Variants in EP400 observed in about 807,000 individuals in gnomAD.
The protein encoded by EP400 is E1A-binding protein p400.
A neutral mutation model predicts 354.1 loss-of-function variants in EP400; 105 were observed. The ratio of observed to expected loss-of-function variants is 0.30; its 90% CI spans 0.25 to 0.35. The LOEUF is 0.35. Among genes scored for constraint, EP400 ranks in the 10% least tolerant of loss-of-function variants. The probability of loss-of-function intolerance (pLI) is 1.00; values close to 1 mark genes in which losing one functional copy is unlikely to be tolerated. For missense variants in EP400, 3,280 were observed against 4,121.0 expected, an observed-to-expected ratio of 0.80 and a Z score of 5.59; for synonymous variants, 1,646 against 1,716.9, an observed-to-expected ratio of 0.96 and a Z score of 1.02.
At chr12:131,981,159 A>G (rs771819579) in intron 3 of EP400, among the ~76,000 whole-genome samples, 3 of 152,120 alleles carry the variant, frequency 2.0e-5, no homozygotes, top group Non-Finnish European at 4.4e-5. Context: ...CCCGCTCTCC[A>G]TGCTCTCGTC....
chr12:132,004,119 G>C (rs1009232785), intron 12 of EP400, among the ~76,000 whole-genome samples: 2 of 152,240 alleles, frequency 1.3e-5, no homozygotes, highest in African/African-American at 2.4e-5. Flanking sequence ...TGATGAGGTT[G>C]AGGGCATTGG....
intron 13 of EP400, among the ~76,000 whole-genome samples, 166 bp downstream of exon 13, chr12:132,005,350 C>A (rs945892139): frequency 2.0e-5 from 3 of 152,082 alleles, no homozygotes; most frequent in Admixed American, 1.3e-4. Context: ...AAATTCCGTG[C>A]TTTTAATTTA....
intron 39 of EP400, among the ~76,000 whole-genome samples, chr12:132,047,639 G>A (rs1267651114): frequency 1.3e-5 from 2 of 152,166 alleles, no homozygotes; most frequent in African/African-American, 2.4e-5. Flanking sequence ...ATGGAGGCAG[G>A]GCGAGATCAC....
rs1005669596 is a variant in EP400, at chr12:132,021,163, G to C, written c.4532G>C (p.Ser1511Thr). 1 of 1,601,044 alleles carries C rather than the reference G, an allele frequency of 6.2e-7. No individual in the cohort carries two copies. Residue 1511 changes from serine to threonine, a missense_variant, in exon 23 of 53, where the codon AGC (serine) becomes ACC (threonine). Physicochemically the swap from Ser to Thr is moderately conservative, Grantham distance 58. This residue lies in a region of EP400 where 342 missense variants were observed against 342.7 expected (regional missense o/e 1.00). Transcript: ENST00000389561. ...QPASASSTAA[S>T]PAHPAKLRAQ... The stretch of plus-strand genomic sequence containing the variant: ...GCCTCGGCCTCCAGCACAGCCGCTA[G>C]CCCGGCCCATCCTGCGAAACTGCGG...
chr12:131,951,949 T>C (rs1891517486), intron 1 of EP400, among the ~76,000 whole-genome samples: 1 of 151,936 alleles, frequency 6.6e-6, no homozygotes, highest in African/African-American at 2.4e-5. Context: ...CCTACTTTTT[T>C]TTTTTTTTTA....
rs767154660 is a variant in EP400 at position 132,053,422 on chromosome 12, C to T, written c.7553C>T (p.Pro2518Leu). The T allele has an allele frequency of 3.5e-5, 53 of 1,528,358 alleles. No individual in the cohort carries two copies. Among genetic ancestry groups the T allele is most frequent in the East Asian group, 9.7e-5 (4 of 41,178 alleles). 94.7% of individuals were successfully genotyped at this position (1,528,358 alleles called of 1,614,324 possible). Reference sequence around the variant, plus strand: ...CCCCAGCCGCAGCCCCCACCACCCCCGCAGCAGCCACCGCCACCGCTGCCA... The same window carrying T: ...CCCCAGCCGCAGCCCCCACCACCCCTGCAGCAGCCACCGCCACCGCTGCCA... Reference protein sequence around the residue: ...PPPQPQPPPPPQQPPPPLPQP... With the variant: ...PPPQPQPPPPLQQPPPPLPQP... The change falls in exon 43 of 53, where the codon CCG becomes CTG. Residue 2518 changes from proline to leucine, a missense_variant. Around this residue, in one of 20 missense-constraint regions of EP400, gnomAD observed 255 missense variants for 295.9 expected, o/e 0.86. Coordinates refer to ENST00000389561, the MANE Select transcript of EP400 (RefSeq NM_015409.5).
chr12:132,023,937 G>T lies in EP400; in HGVS notation c.4851G>T (p.Leu1617=), dbSNP rs1247346064. 2 of 1,603,992 alleles carry T rather than the reference G, an allele frequency of 1.2e-6. No individual in the cohort carries two copies. The highest frequency in any genetic ancestry group is 1.7e-6 in the Non-Finnish European group (2 of 1,175,440). The part of the protein sequence containing the change: ...RQLTAGQPLQ[L]QGSVLQIVSA... ...TCACAGCGGGCCAGCCGCTGCAGCT[G>T]CAAGGTAAGGATAAGGATGAGAGAG... The change falls in exon 24 of 53, where the codon CTG becomes CTT. Residue 1617 remains leucine (L), a synonymous_variant. Transcript: ENST00000389561.
At chr12:132,031,137 C>G in intron 29 of EP400, 1 of 441,996 alleles carries the variant, frequency 2.3e-6, no homozygotes, top group Non-Finnish European at 4.5e-6. Context: ...GCACAGAAAT[C>G]GTTATGGAAG....
chr12:132,064,754 A>G lies in EP400; in HGVS notation c.8421A>G (p.Pro2807=). The stretch of plus-strand genomic sequence containing the variant: ...AGGCCCAGTCTGCGCCCCCGCAGCC[A>G]ACAGCCCAAGTGCAAGTGCAGACCT... ...PPQAQSAPPQ[P]TAQVQVQTSQ... Residue 2807 remains proline, a synonymous_variant, in exon 48 of 53, where the codon CCA becomes CCG. Coordinates refer to ENST00000389561, the MANE Select transcript of EP400 (RefSeq NM_015409.5). The G allele has an allele frequency of 6.2e-7, 1 of 1,613,648 alleles. No individual in the cohort carries two copies. Among genetic ancestry groups the G allele is most frequent in the South Asian group, 1.1e-5 (1 of 91,060 alleles).
At chr12:131,972,873 A>G (rs997935513) in intron 2 of EP400, among the ~76,000 whole-genome samples, 1 of 151,868 alleles carries the variant, frequency 6.6e-6, no homozygotes, top group Non-Finnish European at 1.5e-5. Flanking sequence ...CTAAGATTAC[A>G]GGCGTGTACC....
intron 15 of EP400, among the ~76,000 whole-genome samples, chr12:132,009,995 TTTA>T (rs1893711934): frequency 6.6e-6 from 1 of 151,898 alleles, no homozygotes; most frequent in African/African-American, 2.4e-5. Context: ...GCTTTTCTTT[TTTA>T]TTTATTTATT....
At position 132,054,955 on chromosome 12, in the gene EP400, AT is replaced by A. The variant is rs57520767; in HGVS notation, c.7729-7del. ...AGAGCCTGACGTGAAATTCAAATGG[AT>A]TTTTTTTTTTTAAATAGGCAGGAAC... On this transcript the variant is annotated intron_variant, in intron 43 of 52. Coordinates refer to ENST00000389561, the MANE Select transcript of EP400 (RefSeq NM_015409.5). The surrounding 1 kb of genome is among the most constrained non-coding windows in gnomAD (Gnocchi z 4.0). 0.072 allele frequency: 60,730 copies of A among 845,612 alleles called. 2 individuals carry two copies. The highest frequency in any genetic ancestry group is 0.083 in the South Asian group (4,026 of 48,592). The allele number at this position is 845,612 out of a possible 1,614,324, so 52.4% of individuals were successfully genotyped here.
At chr12:131,974,092 C>A (rs1477725718) in intron 2 of EP400, among the ~76,000 whole-genome samples, 2 of 151,766 alleles carry the variant, frequency 1.3e-5, no homozygotes, top group African/African-American at 2.4e-5. Context: ...GATTCTCCCA[C>A]CTCAGCCTCC....
rs2136593051 is a variant in EP400, at chr12:132,054,172, A to G, written c.7728+575A>G. ...CGTGTGCCACACAGACGCTGAAATC[A>G]TATGCGCAGAATCACACCTGCAGAG... On this transcript the variant is annotated intron_variant, in intron 43 of 52. Coordinates refer to ENST00000389561, the MANE Select transcript of EP400 (RefSeq NM_015409.5). The surrounding 1 kb of genome is among the most constrained non-coding windows in gnomAD (Gnocchi z 4.0). 6.6e-6 allele frequency among the ~76,000 whole-genome samples: 1 copy of G among 152,358 alleles called. No individual in the cohort carries two copies. The highest frequency in any genetic ancestry group is 2.1e-4 in the South Asian group (1 of 4,830).
At chr12:132,030,270 A>T in intron 29 of EP400, 112 bp downstream of exon 29, 1 of 1,254,590 alleles carries the variant, frequency 8.0e-7, no homozygotes, top group Non-Finnish European at 1.1e-6. Flanking sequence ...AAGGGGAGGG[A>T]CTTAATGAGC....
intron 5 of EP400, among the ~76,000 whole-genome samples, chr12:131,985,528 C>T (rs559612975): frequency 6.6e-6 from 1 of 152,368 alleles, no homozygotes; most frequent in African/African-American, 2.4e-5. Flanking sequence ...CCCACCTTCC[C>T]TGCTCTCTGT....
intron 2 of EP400, among the ~76,000 whole-genome samples, chr12:131,972,535 A>G (rs1286769249): frequency 6.6e-6 from 1 of 152,120 alleles, no homozygotes; most frequent in Non-Finnish European, 1.5e-5. Context: ...TTGTTATTAC[A>G]TATGTACTAA....
At chr12:131,989,260 G>A (rs779570803) in intron 7 of EP400, among the ~76,000 whole-genome samples, 12 of 152,214 alleles carry the variant, frequency 7.9e-5, no homozygotes, top group Non-Finnish European at 1.3e-4. Context: ...GCCCTTCCCC[G>A]TGCCTCCTGC....
rs936876723 is a variant in EP400, at chr12:132,050,253, G to T, written c.7201-70G>T. 11 of 1,576,320 alleles carry T rather than the reference G, an allele frequency of 7.0e-6. No homozygotes were observed. The highest frequency in any genetic ancestry group is 9.5e-6 in the Non-Finnish European group (11 of 1,155,982). On this transcript the variant is annotated intron_variant, in intron 39 of 52. Coordinates refer to ENST00000389561, the MANE Select transcript of EP400 (RefSeq NM_015409.5). This position sits in a 1 kb window ranked among gnomAD's most constrained non-coding sequence, Gnocchi z 4.8. ...TTAGCCTCAGATTCCCACCCAGTGAGCCCTGTGTCCCACGCAGCCGTCTGT... is the reference window on the plus strand; with the variant it reads ...TTAGCCTCAGATTCCCACCCAGTGATCCCTGTGTCCCACGCAGCCGTCTGT...
Sources: gnomAD v4.1 joint callset for allele counts (sites outside exome capture counted in the v4.1 genomes callset) on GRCh38, gnomAD v4.1.1 for gene constraint, gnomAD v4.1.1 regional missense constraint, Gnocchi (gnomAD v3.1) non-coding constraint, MANE v1.5 for transcripts, NCBI Gene and HGNC (gene_info 2026-07-23, HGNC 2026-07-21) for gene names.